CYB5B: variants seen among roughly 807,000 people sequenced by gnomAD.
The protein encoded by CYB5B is cytochrome b5 type B (outer mitochondrial membrane).
In CYB5B, 14 loss-of-function variants were observed where a neutral mutation model predicts 21.3. That is an observed-to-expected ratio of 0.66 (90% CI 0.43 to 1.03). The LOEUF is 1.03. CYB5B is among the 50% of genes least tolerant of loss of function. The pLI is 0.00. For missense variants in CYB5B, 166 were observed against 185.1 expected, an observed-to-expected ratio of 0.90 and a Z score of 0.60; for synonymous variants, 69 against 68.4, an observed-to-expected ratio of 1.01 and a Z score of -0.04.
At chr16:69,446,609 C>CCA (rs2014880976) in intron 1 of CYB5B, among the ~76,000 whole-genome samples, 1 of 152,216 alleles carries the variant, frequency 6.6e-6, no homozygotes, top group African/African-American at 2.4e-5. Context: ...CAGGCATGAG[C>CCA]CACCGTGCCT....
chr16:69,447,001 T>C, intron 1 of CYB5B, 149 bp from the exon 2 acceptor site: 2 of 911,478 alleles, frequency 2.2e-6, no homozygotes, highest in Non-Finnish European at 3.3e-6. Flanking sequence ...TGCTGTGTTC[T>C]TCCCATTGCA....
chr16:69,437,255 G>A (rs1597281167), intron 1 of CYB5B, among the ~76,000 whole-genome samples: 2 of 151,520 alleles, frequency 1.3e-5, no homozygotes, highest in Admixed American at 6.6e-5. Context: ...GTGTAACTGC[G>A]TACATAATAT....
At chr16:69,461,385 G>A (rs1178973560) in intron 4 of CYB5B, among the ~76,000 whole-genome samples, 1 of 152,110 alleles carries the variant, frequency 6.6e-6, no homozygotes, top group East Asian at 1.9e-4. Flanking sequence ...ATATTGCTTG[G>A]TTTTGTAAAC....
At chr16:69,436,011 GA>G (rs1451180766) in intron 1 of CYB5B, among the ~76,000 whole-genome samples, 1 of 152,250 alleles carries the variant, frequency 6.6e-6, no homozygotes, top group Non-Finnish European at 1.5e-5. Flanking sequence ...GGGAAGGTGA[GA>G]AATAAGATGA....
At chr16:69,440,948 C>T (rs1194055170) in intron 1 of CYB5B, among the ~76,000 whole-genome samples, 2 of 151,792 alleles carry the variant, frequency 1.3e-5, no homozygotes, top group Non-Finnish European at 2.9e-5. Flanking sequence ...CCTGCGCCGC[C>T]GTGCCTGGCC....
chr16:69,455,430 C>T (rs576250863), intron 3 of CYB5B, among the ~76,000 whole-genome samples: 2 of 138,104 alleles, frequency 1.4e-5, no homozygotes, highest in South Asian at 4.6e-4. Flanking sequence ...GGTGGGGGGA[C>T]GAAATCTCAC....
chr16:69,449,552 T>G (rs982860294), intron 3 of CYB5B: 6 of 152,224 alleles, frequency 3.9e-5, no homozygotes, highest in African/African-American at 1.4e-4. Context: ...AGTCTACAGA[T>G]TGCTTCTTGT....
intron 3 of CYB5B, among the ~76,000 whole-genome samples, chr16:69,454,369 T>G (rs2014963676): frequency 6.6e-6 from 1 of 152,244 alleles, no homozygotes; most frequent in African/African-American, 2.4e-5. Context: ...CTGACTTGAA[T>G]ATTTTAGTAC....
chr16:69,434,525 A>G (rs1376525253), intron 1 of CYB5B, among the ~76,000 whole-genome samples: 2 of 152,156 alleles, frequency 1.3e-5, no homozygotes, highest in Non-Finnish European at 2.9e-5. Flanking sequence ...TCACATCTTC[A>G]TTGATACATT....
In CYB5B at chr16:69,424,621, A is replaced by C. The variant is rs2014620389; in HGVS notation, c.-63A>C. The C allele has an allele frequency of 6.7e-7, 1 of 1,484,872 alleles. No individual in the cohort carries two copies. The highest frequency in any genetic ancestry group is 9.0e-7 in the Non-Finnish European group (1 of 1,114,288). The allele number at this position is 1,484,872 out of a possible 1,614,324, so 92.0% of individuals were successfully genotyped here. A position where few individuals can be genotyped will look rare whatever the true frequency, so the allele number is the denominator to read the frequency against. ...GGGCCCTGGTTACGGAAGCCGAGGA[A>C]GGCTGAGCGCGGGCTCTCAAGGAAA... On this transcript the variant is annotated 5_prime_UTR_variant, in exon 1 of 5. Coordinates refer to ENST00000307892, the MANE Select transcript of CYB5B (RefSeq NM_030579.3).
chr16:69,437,254 C>T (rs780307226), intron 1 of CYB5B, among the ~76,000 whole-genome samples: 2 of 151,648 alleles, frequency 1.3e-5, no homozygotes, highest in South Asian at 4.1e-4. Flanking sequence ...TGTGTAACTG[C>T]GTACATAATA....
At chr16:69,458,148 T>C (rs1318518171) in intron 3 of CYB5B, among the ~76,000 whole-genome samples, 1 of 152,214 alleles carries the variant, frequency 6.6e-6, no homozygotes, top group Non-Finnish European at 1.5e-5. Flanking sequence ...TTTATCGTGA[T>C]ACAATTCACA....
intron 1 of CYB5B, among the ~76,000 whole-genome samples, chr16:69,430,126 A>G (rs1037572290): frequency 6.6e-6 from 1 of 152,184 alleles, no homozygotes. Context: ...AAATGATTGT[A>G]ATATCTTATG....
chr16:69,446,812 C>T (rs2014882534), intron 1 of CYB5B, among the ~76,000 whole-genome samples: 1 of 152,182 alleles, frequency 6.6e-6, no homozygotes, highest in African/African-American at 2.4e-5. Flanking sequence ...TAGCCTCCTT[C>T]AATCTGGAAC....
chr16:69,461,531 C>T (rs1777623096), intron 4 of CYB5B, among the ~76,000 whole-genome samples: 1 of 152,102 alleles, frequency 6.6e-6, no homozygotes, highest in South Asian at 2.1e-4. Flanking sequence ...GACTTCAAAA[C>T]CTTTTAATAC....
intron 1 of CYB5B, among the ~76,000 whole-genome samples, chr16:69,436,940 C>T (rs1399561349): frequency 6.6e-6 from 1 of 152,118 alleles, no homozygotes; most frequent in East Asian, 1.9e-4. Flanking sequence ...AGGAATTTGT[C>T]CTCTTCTTTG....
chr16:69,460,254 T>G (rs551887162), intron 4 of CYB5B, among the ~76,000 whole-genome samples: 40 of 152,236 alleles, frequency 2.6e-4, no homozygotes, highest in Middle Eastern at 3.4e-3. Context: ...AACCAAACCT[T>G]ATGCTTATGC....
At position 69,466,072 on chromosome 16, in the gene CYB5B, A is replaced by G. The variant is rs2015086688; in HGVS notation, c.*3552A>G. ...GGCAAACCATTACTTCAGTTATTTA[A>G]CTTCCCTTTTTTTTTAACTTCACCT... On this transcript the variant is annotated 3_prime_UTR_variant, in exon 5 of 5. Transcript: ENST00000307892. 6.8e-6 allele frequency: 1 copy of G among 147,692 alleles called. No homozygotes were observed. Among genetic ancestry groups the G allele is most frequent in the Non-Finnish European group, 1.5e-5 (1 of 67,824 alleles). 9.1% of individuals were successfully genotyped at this position (147,692 alleles called of 1,614,324 possible). A position where few individuals can be genotyped will look rare whatever the true frequency, so the allele number is the denominator to read the frequency against.
intron 1 of CYB5B, among the ~76,000 whole-genome samples, chr16:69,431,610 A>C (rs1454284530): frequency 6.6e-6 from 1 of 152,070 alleles, no homozygotes; most frequent in African/African-American, 2.4e-5. Context: ...CATCTCTACA[A>C]AAAATACGAA....
Sources: gnomAD v4.1 joint callset for allele counts (sites outside exome capture counted in the v4.1 genomes callset) on GRCh38, gnomAD v4.1.1 for gene constraint, MANE v1.5 for transcripts, NCBI Gene and HGNC (gene_info 2026-07-23, HGNC 2026-07-21) for gene names.